The following UNC80 variants were observed in gnomAD, a reference collection of about 807,000 sequenced individuals.
UNC80 encodes the protein unc-80 subunit of NALCN channel complex, also known as protein unc-80 homolog.
UNC80 carries 164 observed loss-of-function variants against 384.6 expected under a neutral mutation model. The ratio of observed to expected loss-of-function variants is 0.43; its 90% CI spans 0.38 to 0.49. The LOEUF (loss-of-function observed/expected upper bound fraction) is 0.49. UNC80 is among the 20% of genes least tolerant of loss of function. The pLI is 0.00. For missense variants in UNC80, 3,330 were observed against 4,143.0 expected, an observed-to-expected ratio of 0.80 and a Z score of 5.39; for synonymous variants, 1,486 against 1,527.8, an observed-to-expected ratio of 0.97 and a Z score of 0.64.
At chr2:209,922,129 C>T (rs992595937) in intron 34 of UNC80, 123 bp from the exon 35 acceptor site, 8 of 1,137,884 alleles carry the variant, frequency 7.0e-6, no homozygotes, top group Non-Finnish European at 8.4e-6. Flanking sequence ...TTTCTAAGTA[C>T]ACTCAAAATT....
rs1164928543 is a variant in UNC80 at position 209,994,177 on chromosome 2, T to C, written c.9621T>C (p.Ser3207=). The change falls in exon 64 of 65, where the codon TCT becomes TCC. Residue 3207 remains serine (S), a synonymous_variant. Coordinates refer to ENST00000673920, the MANE Select transcript of UNC80 (RefSeq NM_001371986.1). ...TACAGGGCTGTAGCCCAGCCCCTTC[T>C]AGGAAACCAGAAGCAATGGACGAAC... The part of the protein sequence containing the change: ...GQLQGCSPAP[S]RKPEAMDEPV... 6.4e-7 allele frequency: 1 copy of C among 1,551,440 alleles called. No homozygotes were observed. The highest frequency in any genetic ancestry group is 2.4e-5 in the East Asian group (1 of 40,866).
chr2:209,831,659 T>C, intron 16 of UNC80, 68 bp downstream of exon 16: 1 of 1,380,988 alleles, frequency 7.2e-7, no homozygotes, highest in African/African-American at 1.5e-5. Flanking sequence ...CTCATTGTCG[T>C]GGCCATGAGT....
Position 209,967,846 on chromosome 2 carries a change from C to T in UNC80, c.8006+209C>T, listed in dbSNP as rs536705797. 13 of 465,094 alleles carry T rather than the reference C, an allele frequency of 2.8e-5. No homozygotes were observed. In the South Asian group the frequency reaches 3.9e-4, roughly 14 times the overall value. The allele number at this position is 465,094 out of a possible 1,614,324, so 28.8% of individuals were successfully genotyped here. On this transcript the variant is annotated intron_variant, in intron 52 of 64. Coordinates refer to ENST00000673920, the MANE Select transcript of UNC80 (RefSeq NM_001371986.1). ...CATTTTCTTTAAAAGTATATGTGCTCATCTTGAAAAAAATCTATCCATTTC... is the reference window on the plus strand; with the variant it reads ...CATTTTCTTTAAAAGTATATGTGCTTATCTTGAAAAAAATCTATCCATTTC...
At chr2:209,809,409 C>T (rs938991803) in intron 7 of UNC80, 3 of 1,379,608 alleles carry the variant, frequency 2.2e-6, no homozygotes, top group Non-Finnish European at 3.1e-6. Context: ...AGAAGCCCTT[C>T]TCCTGTACCC....
At chr2:209,830,674 T>G (rs2080890529) in intron 15 of UNC80, among the ~76,000 whole-genome samples, 2 of 152,208 alleles carry the variant, frequency 1.3e-5, no homozygotes, top group Admixed American at 1.3e-4. Flanking sequence ...TCACAGGTAG[T>G]TCACAGGCCA....
rs1030734439 is a variant in UNC80, at chr2:209,791,733, T to C, written c.799-1987T>C. Reference sequence around the variant, plus strand: ...TACTCAGGAGGCTGAGGCAGGAGAATGGCGTGAACCTGGGAGGTGGAGCTT... The same window carrying C: ...TACTCAGGAGGCTGAGGCAGGAGAACGGCGTGAACCTGGGAGGTGGAGCTT... On this transcript the variant is annotated intron_variant, in intron 6 of 64. Transcript: ENST00000673920. Among the ~76,000 whole-genome samples, 10 of 130,296 alleles carry C rather than the reference T, an allele frequency of 7.7e-5. No homozygotes were observed. The Admixed American group carries it at 8.9e-4, about 12-fold the overall frequency. The allele number at this position is 130,296 out of a possible 152,430, so 85.5% of individuals were successfully genotyped here. A position where few individuals can be genotyped will look rare whatever the true frequency, so the allele number is the denominator to read the frequency against.
At chr2:209,807,056 G>A (rs955443721) in intron 7 of UNC80, among the ~76,000 whole-genome samples, 1 of 152,086 alleles carries the variant, frequency 6.6e-6, no homozygotes, top group African/African-American at 2.4e-5. Flanking sequence ...GTCATAACAT[G>A]TTGTTTATTC....
chr2:209,953,117 G>T, intron 47 of UNC80, among the ~76,000 whole-genome samples: 1 of 151,974 alleles, frequency 6.6e-6, no homozygotes, highest in East Asian at 1.9e-4. Context: ...CACAATTGGG[G>T]AATCTCTAAA....
intron 5 of UNC80, among the ~76,000 whole-genome samples, 190 bp from the exon 6 acceptor site, chr2:209,789,342 T>C (rs1015973178): frequency 1.3e-5 from 2 of 152,162 alleles, no homozygotes; most frequent in African/African-American, 4.8e-5. Context: ...AATATCTACA[T>C]CAATAACCAA....
intron 22 of UNC80, among the ~76,000 whole-genome samples, chr2:209,854,197 T>C (rs761437295): frequency 6.6e-6 from 1 of 151,800 alleles, no homozygotes; most frequent in Admixed American, 6.6e-5. Context: ...AGAGGAAATA[T>C]CTTATGATTC....
At chr2:209,809,625 C>T in intron 7 of UNC80, 1 of 629,572 alleles carries the variant, frequency 1.6e-6, no homozygotes, top group Non-Finnish European at 2.8e-6. Context: ...ACCCTGCCCC[C>T]GCCAACCAAC....
intron 25 of UNC80, among the ~76,000 whole-genome samples, chr2:209,883,519 C>T (rs1030077657): frequency 6.6e-6 from 1 of 150,954 alleles, no homozygotes; most frequent in Admixed American, 6.6e-5. Flanking sequence ...CAAGCTCTGC[C>T]TCCCAGGTTC....
intron 51 of UNC80, among the ~76,000 whole-genome samples, chr2:209,966,413 G>T (rs2092743066): frequency 6.6e-6 from 1 of 152,016 alleles, no homozygotes; most frequent in Admixed American, 6.6e-5. Flanking sequence ...TACACATTCT[G>T]CATCTACTCG....
intron 28 of UNC80, among the ~76,000 whole-genome samples, chr2:209,900,300 G>A (rs545229488): frequency 6.6e-6 from 1 of 152,204 alleles, no homozygotes; most frequent in African/African-American, 2.4e-5. Flanking sequence ...CTAATAGCAT[G>A]TGCTTACTTT....
chr2:209,776,073 G>T (rs753421671), intron 3 of UNC80, 28 bp downstream of exon 3: 5 of 1,612,728 alleles, frequency 3.1e-6, no homozygotes, highest in Non-Finnish European at 4.2e-6. Context: ...CTTCTTTATT[G>T]CATGTGATTG....
intron 6 of UNC80, among the ~76,000 whole-genome samples, chr2:209,792,085 C>T (rs2077844911): frequency 6.6e-6 from 1 of 152,158 alleles, no homozygotes; most frequent in Admixed American, 6.5e-5. Flanking sequence ...AGGCAGATCA[C>T]TTGAGCCCAG....
At chr2:209,917,654 A>G in intron 31 of UNC80, 123 bp from the exon 32 acceptor site, 4 of 1,171,160 alleles carry the variant, frequency 3.4e-6, no homozygotes, top group Middle Eastern at 2.8e-4. Context: ...CAGTGCTGGT[A>G]GCCTAGCTCC....
intron 3 of UNC80, among the ~76,000 whole-genome samples, chr2:209,777,034 C>A (rs1246804846): frequency 6.6e-6 from 1 of 152,166 alleles, no homozygotes; most frequent in Non-Finnish European, 1.5e-5. Flanking sequence ...ATTTGGGTAC[C>A]TAACTGAAGA....
chr2:209,849,758 G>A (rs1408397672), intron 22 of UNC80, 135 bp downstream of exon 22: 2 of 954,702 alleles, frequency 2.1e-6, no homozygotes, highest in African/African-American at 3.3e-5. Flanking sequence ...ATAAAAGGGG[G>A]AAGAAAGATG....
Sources: gnomAD v4.1 joint callset for allele counts (sites outside exome capture counted in the v4.1 genomes callset) on GRCh38, gnomAD v4.1.1 for gene constraint, MANE v1.5 for transcripts, NCBI Gene and HGNC (gene_info 2026-07-23, HGNC 2026-07-21) for gene names.